PTPRQ: variants seen among roughly 807,000 people sequenced by gnomAD.
PTPRQ encodes the protein phosphatidylinositol phosphatase PTPRQ.
PTPRQ carries 199 observed loss-of-function variants against 246.0 expected under a neutral mutation model. The ratio of observed to expected loss-of-function variants is 0.81; its 90% CI spans 0.72 to 0.91. PTPRQ has a LOEUF of 0.91. Ranked by LOEUF, PTPRQ falls within the 40% of genes least tolerant of loss-of-function variation. The pLI is 0.00. For synonymous variants in PTPRQ, 869 were observed against 853.2 expected (o/e 1.02, Z -0.32); for missense variants, 2,624 against 2,528.4 (o/e 1.04, Z -0.81).
chr12:80,471,944 C>T (rs555976241), intron 7 of PTPRQ, among the ~76,000 whole-genome samples, 161 bp from the exon 8 acceptor site: 1 of 152,256 alleles, frequency 6.6e-6, no homozygotes, highest in Admixed American at 6.5e-5. Context: ...CAGTGCACTA[C>T]TAAGCCACAT....
chr12:80,619,088 A>C (rs1592723502), intron 30 of PTPRQ, among the ~76,000 whole-genome samples: 1 of 151,662 alleles, frequency 6.6e-6, no homozygotes, highest in African/African-American at 2.4e-5. Context: ...ATTTATAAAA[A>C]ATATATATGA....
chr12:80,623,741 G>T (rs892977604), intron 33 of PTPRQ, among the ~76,000 whole-genome samples: 15 of 152,070 alleles, frequency 9.9e-5, no homozygotes, highest in African/African-American at 3.1e-4. Flanking sequence ...CAACTTACTG[G>T]TTTCATACAG....
Position 80,622,153 on chromosome 12 carries a change from T to A in PTPRQ, c.5686+19T>A. 1 of 1,374,598 alleles carries A rather than the reference T, an allele frequency of 7.3e-7. No homozygotes were observed. The highest frequency in any genetic ancestry group is 9.6e-7 in the Non-Finnish European group (1 of 1,046,536). 85.2% of individuals were successfully genotyped at this position (1,374,598 alleles called of 1,614,324 possible). On this transcript the variant is annotated intron_variant, in intron 33 of 44. Transcript: ENST00000644991. ...ACTTTAGGTAAGACATTTTTGTAAT[T>A]CATTTATAATCTCAACATATTTATC...
intron 20 of PTPRQ, 21 bp downstream of exon 20, chr12:80,539,965 A>G (rs1201294309): frequency 2.8e-6 from 4 of 1,425,762 alleles, no homozygotes; most frequent in East Asian, 2.7e-5. Context: ...AAAAAACACT[A>G]ATCTTTAATA....
At position 80,615,608 on chromosome 12, in the gene PTPRQ, G is replaced by A. The variant is rs145365544; in HGVS notation, c.5164-592G>A. Among the ~76,000 whole-genome samples the A allele has an allele frequency of 8.6e-5, 13 of 151,180 alleles. 1 individual carries two copies. In the East Asian group the frequency reaches 2.5e-3, roughly 30 times the overall value. On this transcript the variant is annotated intron_variant, in intron 29 of 44. Transcript: ENST00000644991. Reference sequence around the variant, plus strand: ...TATATGCTGCATTATGCAGGTTATAGCGTCAGATACTTTGGGGCAGGGGTG... The same window carrying A: ...TATATGCTGCATTATGCAGGTTATAACGTCAGATACTTTGGGGCAGGGGTG...
In PTPRQ at chr12:80,458,638, A is replaced by G. The variant is rs1451492986; in HGVS notation, c.461-646A>G. ...CTGAAGGATCTTGGTGTTTTACTCT[A>G]TCAGTTTTACACACTTTACCATGAG... On this transcript the variant is annotated intron_variant, in intron 4 of 44. Transcript: ENST00000644991. Among the ~76,000 whole-genome samples the G allele has an allele frequency of 3.3e-5, 5 of 151,754 alleles. No individual in the cohort carries two copies. The East Asian group carries it at 7.7e-4, about 23-fold the overall frequency.
intron 7 of PTPRQ, 116 bp from the exon 8 acceptor site, chr12:80,471,986 TAAC>T (rs1246700119): frequency 3.4e-5 from 43 of 1,249,344 alleles, no homozygotes; most frequent in Middle Eastern, 4.7e-4. Flanking sequence ...GATATTATAA[TAAC>T]AAATTTTAGT....
intron 15 of PTPRQ, 123 bp downstream of exon 15, chr12:80,506,329 G>T: frequency 8.8e-7 from 1 of 1,137,846 alleles, no homozygotes; most frequent in Admixed American, 3.4e-5. Context: ...TGTCTTTTTG[G>T]TTAAATAAGC....
chr12:80,633,092 A>G (rs759091673), intron 34 of PTPRQ, among the ~76,000 whole-genome samples: 4 of 152,178 alleles, frequency 2.6e-5, no homozygotes, highest in Non-Finnish European at 4.4e-5. Context: ...CAAAGGAGAA[A>G]TGCAGGTTCC....
intron 33 of PTPRQ, among the ~76,000 whole-genome samples, chr12:80,624,218 G>A (rs773100879): frequency 6.6e-6 from 1 of 152,180 alleles, no homozygotes; most frequent in Non-Finnish European, 1.5e-5. Flanking sequence ...AGGAAGGAGG[G>A]ACTGGTGAAA....
At chr12:80,486,993 C>T (rs146579262) in intron 9 of PTPRQ, among the ~76,000 whole-genome samples, 9 of 152,102 alleles carry the variant, frequency 5.9e-5, no homozygotes, top group Non-Finnish European at 8.8e-5. Context: ...AAAGCTAACT[C>T]TCTCTATTTT....
chr12:80,510,550 A>T, intron 17 of PTPRQ, 107 bp downstream of exon 17: 4 of 1,104,932 alleles, frequency 3.6e-6, no homozygotes, highest in Non-Finnish European at 4.8e-6. Flanking sequence ...TAGGAACCTG[A>T]TTATTAATAG....
intron 4 of PTPRQ, among the ~76,000 whole-genome samples, chr12:80,458,849 C>T (rs963880080): frequency 3.3e-5 from 5 of 151,918 alleles, no homozygotes; most frequent in African/African-American, 4.8e-5. Context: ...GCAGGGTATC[C>T]ACTTGATATT....
chr12:80,602,584 A>C (rs1206079412), intron 26 of PTPRQ, among the ~76,000 whole-genome samples: 1 of 151,802 alleles, frequency 6.6e-6, no homozygotes, highest in African/African-American at 2.4e-5. Flanking sequence ...AGAGCAAGCT[A>C]TCCAAATGCT....
chr12:80,645,339 A>G (rs1285878509), intron 35 of PTPRQ, among the ~76,000 whole-genome samples: 2 of 152,058 alleles, frequency 1.3e-5, no homozygotes, highest in Admixed American at 1.3e-4. Flanking sequence ...ATACGTATTT[A>G]AAGCTTTGAG....
intron 14 of PTPRQ, among the ~76,000 whole-genome samples, chr12:80,496,843 T>C (rs950689762): frequency 9.9e-5 from 15 of 151,984 alleles, no homozygotes; most frequent in African/African-American, 3.4e-4. Flanking sequence ...TGCTTTCGAG[T>C]TAGGTAAAAC....
At chr12:80,622,469 G>T (rs1284635570) in intron 33 of PTPRQ, among the ~76,000 whole-genome samples, 1 of 151,940 alleles carries the variant, frequency 6.6e-6, no homozygotes, top group Non-Finnish European at 1.5e-5. Context: ...TGGTGGTGGT[G>T]CATGCTACTG....
At chr12:80,613,342 T>A (rs1018211117) in intron 28 of PTPRQ, among the ~76,000 whole-genome samples, 1 of 150,580 alleles carries the variant, frequency 6.6e-6, no homozygotes. Context: ...GATTAAAATG[T>A]CATAGAAACA....
intron 30 of PTPRQ, among the ~76,000 whole-genome samples, chr12:80,618,215 A>G (rs1898838441): frequency 6.6e-6 from 1 of 151,522 alleles, no homozygotes. Flanking sequence ...TGATAACTGT[A>G]TGACATAAGC....
Sources: gnomAD v4.1 joint callset for allele counts (sites outside exome capture counted in the v4.1 genomes callset) on GRCh38, gnomAD v4.1.1 for gene constraint, MANE v1.5 for transcripts, NCBI Gene and HGNC (gene_info 2026-07-23, HGNC 2026-07-21) for gene names.